Variants in MCU observed in about 807,000 individuals in gnomAD.
The protein encoded by MCU is mitochondrial calcium uniporter, also known as calcium uniporter protein, mitochondrial.
Under a neutral mutation model 45.2 loss-of-function variants are expected in MCU, and 12 were observed. That is an observed-to-expected ratio of 0.27 (90% CI 0.17 to 0.43). MCU has a LOEUF of 0.43. MCU is among the 20% of genes least tolerant of loss of function. The probability of loss-of-function intolerance (pLI) is 1.00; values close to 1 mark genes in which losing one functional copy is unlikely to be tolerated. For missense variants in MCU, 324 were observed against 436.7 expected, an observed-to-expected ratio of 0.74 and a Z score of 2.30; for synonymous variants, 160 against 165.1, an observed-to-expected ratio of 0.97 and a Z score of 0.24.
chr10:72,801,940 T>C (rs892946189), intron 1 of MCU, among the ~76,000 whole-genome samples: 1 of 152,216 alleles, frequency 6.6e-6, no homozygotes, highest in Non-Finnish European at 1.5e-5. Context: ...CCCAAAGTGC[T>C]AGGATTATAG....
rs71021526 is a variant in MCU, at chr10:72,707,647, G to GTGTGTGTGTGTGTGTGTGTGTGTA, written c.150+15347_150+15348insGTGTGTGTGTGTGTGTGTGTGTAT. ...TGTGTGTGTGTGTGTGTGTGTGTGTGTTTCCCACCAAAACAAAAGTAATTG... is the reference window on the plus strand; with the variant it reads ...TGTGTGTGTGTGTGTGTGTGTGTGTGTGTGTGTGTGTGTGTGTGTGTGTATTTCCCACCAAAACAAAAGTAATTG... On this transcript the variant is annotated intron_variant, in intron 1 of 7. Transcript: ENST00000373053. 3.1e-4 allele frequency among the ~76,000 whole-genome samples: 45 copies of GTGTGTGTGTGTGTGTGTGTGTGTA among 147,012 alleles called. 2 individuals carry two copies. The highest frequency in any genetic ancestry group is 1.1e-3 in the African/African-American group (44 of 38,308).
chr10:72,860,600 T>A (rs1284927557), intron 4 of MCU, 73 bp downstream of exon 4: 1 of 1,181,864 alleles, frequency 8.5e-7, no homozygotes, highest in African/African-American at 1.5e-5. Context: ...TTTTTTTCCT[T>A]GGGTAACCTT....
chr10:72,748,662 A>C (rs529996240), intron 1 of MCU, among the ~76,000 whole-genome samples: 10 of 152,102 alleles, frequency 6.6e-5, no homozygotes, highest in Non-Finnish European at 1.5e-4. Flanking sequence ...ACAAATAATA[A>C]ATTTTAAAAA....
chr10:72,770,798 T>TTA (rs1056058127), intron 1 of MCU, among the ~76,000 whole-genome samples: 1 of 152,036 alleles, frequency 6.6e-6, no homozygotes, highest in African/African-American at 2.4e-5. Flanking sequence ...AGTAGTACAA[T>TTA]TATATATATA....
intron 1 of MCU, among the ~76,000 whole-genome samples, chr10:72,819,799 A>G (rs1353315110): frequency 6.8e-6 from 1 of 147,510 alleles, no homozygotes; most frequent in African/African-American, 2.5e-5. Flanking sequence ...AAAGTTCATA[A>G]TGTGCCTCCT....
At position 72,704,795 on chromosome 10, in the gene MCU, A is replaced by T. The variant is rs551303844; in HGVS notation, c.150+12494A>T. ...AGTGGCGCGATCTCGACTCACTGCAACCTCCACCTCCTGGGTTCTGGTTCA... is the reference window on the plus strand; with the variant it reads ...AGTGGCGCGATCTCGACTCACTGCATCCTCCACCTCCTGGGTTCTGGTTCA... On this transcript the variant is annotated intron_variant, in intron 1 of 7. Transcript: ENST00000373053. Among the ~76,000 whole-genome samples, 32 of 144,442 alleles carry T rather than the reference A, an allele frequency of 2.2e-4. 1 individual carries two copies. In the South Asian group the frequency reaches 6.1e-3, roughly 27 times the overall value. The allele number at this position is 144,442 out of a possible 152,430, so 94.8% of individuals were successfully genotyped here.
Position 72,739,097 on chromosome 10 carries a change from G to A in MCU, c.150+46796G>A, listed in dbSNP as rs147484125. ...TTTAAATGTCATGCCACAGTGATGT[G>A]CTATATATTATAGATGTATAATAAA... On this transcript the variant is annotated intron_variant, in intron 1 of 7. Transcript: ENST00000373053. 4.2e-3 allele frequency among the ~76,000 whole-genome samples: 646 copies of A among 152,214 alleles called. 3 individuals carry two copies. The highest frequency in any genetic ancestry group is 0.014 in the Middle Eastern group (4 of 294).
intron 2 of MCU, among the ~76,000 whole-genome samples, chr10:72,837,821 A>C (rs537422126): frequency 1.3e-5 from 2 of 151,278 alleles, no homozygotes; most frequent in Admixed American, 1.3e-4. Flanking sequence ...CCAACTCAGA[A>C]CACTTTTGAG....
chr10:72,702,985 AG>A (rs1842777235), intron 1 of MCU, among the ~76,000 whole-genome samples: 2 of 89,586 alleles, frequency 2.2e-5, no homozygotes, highest in Non-Finnish European at 5.5e-5. Flanking sequence ...TCTCAAAAAA[AG>A]AAAAAAAAAA....
intron 2 of MCU, among the ~76,000 whole-genome samples, chr10:72,837,940 T>C (rs551161183): frequency 5.9e-5 from 9 of 151,618 alleles, no homozygotes; most frequent in African/African-American, 2.2e-4. Flanking sequence ...CACTGCAACT[T>C]CCGCCTCCCG....
chr10:72,757,205 A>C (rs899694795), intron 1 of MCU, among the ~76,000 whole-genome samples: 1 of 152,164 alleles, frequency 6.6e-6, no homozygotes, highest in Non-Finnish European at 1.5e-5. Context: ...ATTATAATGC[A>C]GATAGTGAAA....
At chr10:72,810,160 A>C (rs1257332005) in intron 1 of MCU, among the ~76,000 whole-genome samples, 1 of 152,132 alleles carries the variant, frequency 6.6e-6, no homozygotes, top group East Asian at 1.9e-4. Flanking sequence ...GAAGAAGTAA[A>C]GGTATTCACC....
At chr10:72,752,628 G>A (rs1425376626) in intron 1 of MCU, among the ~76,000 whole-genome samples, 1 of 152,160 alleles carries the variant, frequency 6.6e-6, no homozygotes, top group Non-Finnish European at 1.5e-5. Context: ...AGGACAATAT[G>A]GGATCTGGTG....
intron 1 of MCU, among the ~76,000 whole-genome samples, chr10:72,801,961 C>G (rs1228005818): frequency 6.6e-6 from 1 of 152,188 alleles, no homozygotes; most frequent in Non-Finnish European, 1.5e-5. Context: ...GTGCTAGCCA[C>G]TGTGCCCAGA....
At chr10:72,874,720 T>C (rs745520090) in intron 6 of MCU, among the ~76,000 whole-genome samples, 1 of 152,254 alleles carries the variant, frequency 6.6e-6, no homozygotes, top group African/African-American at 2.4e-5. Flanking sequence ...ATCATTCTTA[T>C]CTGATCACAG....
intron 1 of MCU, among the ~76,000 whole-genome samples, chr10:72,694,645 G>A (rs1467727089): frequency 6.6e-6 from 1 of 152,204 alleles, no homozygotes; most frequent in Non-Finnish European, 1.5e-5. Flanking sequence ...GTTGAATCTT[G>A]CTTGGGAGAC....
intron 1 of MCU, among the ~76,000 whole-genome samples, chr10:72,734,320 T>C (rs1171332380): frequency 6.6e-6 from 1 of 152,226 alleles, no homozygotes; most frequent in African/African-American, 2.4e-5. Flanking sequence ...ACATGTGACT[T>C]GAGGTGTGTG....
intron 1 of MCU, among the ~76,000 whole-genome samples, chr10:72,788,038 C>T (rs1029590001): frequency 6.6e-6 from 1 of 152,118 alleles, no homozygotes; most frequent in African/African-American, 2.4e-5. Flanking sequence ...ACTGTCTTCA[C>T]AATATCTCGT....
At chr10:72,803,760 A>G (rs1844377146) in intron 1 of MCU, among the ~76,000 whole-genome samples, 1 of 151,660 alleles carries the variant, frequency 6.6e-6, no homozygotes, top group African/African-American at 2.4e-5. Context: ...GGATTGTTTT[A>G]TGGAAATTAT....
Sources: allele counts gnomAD v4.1 joint callset (sites outside exome capture counted in the v4.1 genomes callset), GRCh38; gene constraint gnomAD v4.1.1; transcripts MANE v1.5; gene names NCBI Gene and HGNC (gene_info 2026-07-23, HGNC 2026-07-21).